ETF1: variants seen among roughly 807,000 people sequenced by gnomAD.
ETF1 encodes eukaryotic translation termination factor 1.
ETF1 carries 4 observed loss-of-function variants against 55.1 expected under a neutral mutation model. That is an observed-to-expected ratio of 0.07 (90% CI 0.04 to 0.17). ETF1 has a LOEUF of 0.17. ETF1 is among the 10% of genes least tolerant of loss of function. The pLI, the probability that ETF1 is intolerant of heterozygous loss-of-function variation, is 1.00. For missense variants in ETF1, 142 were observed against 523.6 expected, an observed-to-expected ratio of 0.27 and a Z score of 7.11; for synonymous variants, 157 against 182.3, an observed-to-expected ratio of 0.86 and a Z score of 1.12.
rs188898375 is a variant in ETF1, at chr5:138,507,252, G to C, written c.*1053C>G. 523 of 144,588 alleles carry C rather than the reference G, an allele frequency of 3.6e-3. 5 individuals are homozygous for C. Among genetic ancestry groups the C allele is most frequent in the Non-Finnish European group, 3.6e-3 (238 of 66,030 alleles). 9.0% of individuals were successfully genotyped at this position (144,588 alleles called of 1,614,324 possible). On this transcript the variant is annotated 3_prime_UTR_variant, in exon 11 of 11. Transcript: ENST00000360541. The stretch of plus-strand genomic sequence containing the variant: ...TGAAACAGATGCTCCAACCCCACCA[G>C]GAGGTCAGGAGTTTATAATTACATG...
Position 138,541,767 on chromosome 5 carries a change from G to T in ETF1, c.86+1066C>A, listed in dbSNP as rs868719362. ...ATAATGTTCCAAACACTTTTTTTTG[G>T]GGGGGGGGGCACTTCCTGTAAGTAA... On this transcript the variant is annotated intron_variant, in intron 2 of 10. Transcript: ENST00000360541. 1,274 of 262,910 alleles carry T rather than the reference G, an allele frequency of 4.8e-3. 78 individuals carry two copies. The South Asian group carries it at 0.051, about 11-fold the overall frequency. The allele number at this position is 262,910 out of a possible 1,614,324, so 16.3% of individuals were successfully genotyped here. A position where few individuals can be genotyped will look rare whatever the true frequency, so the allele number is the denominator to read the frequency against.
At position 138,508,296 on chromosome 5, in the gene ETF1, G is replaced by A; in HGVS notation, c.*9C>T. ...GTGAGGCACGTTTTGCCGGACCCAT[G>A]TCGACTACCTAGTAGTCATCAAGGT... On this transcript the variant is annotated 3_prime_UTR_variant, in exon 11 of 11. Transcript: ENST00000360541. 6.2e-7 allele frequency: 1 copy of A among 1,612,510 alleles called. No homozygotes were observed. Among genetic ancestry groups the A allele is most frequent in the Non-Finnish European group, 8.5e-7 (1 of 1,179,652 alleles).
intron 2 of ETF1, among the ~76,000 whole-genome samples, chr5:138,521,820 G>A (rs1335981435): frequency 6.6e-6 from 1 of 152,148 alleles, no homozygotes; most frequent in East Asian, 1.9e-4. Flanking sequence ...GTGAGCCACC[G>A]CGCCCAGCCT....
chr5:138,520,677 G>A (rs762308717), intron 2 of ETF1, among the ~76,000 whole-genome samples: 3 of 152,068 alleles, frequency 2.0e-5, no homozygotes, highest in Non-Finnish European at 2.9e-5. Flanking sequence ...AATCAGCTGG[G>A]TGTCACGTGA....
At chr5:138,532,874 A>G (rs1031693794) in intron 2 of ETF1, among the ~76,000 whole-genome samples, 3 of 152,064 alleles carry the variant, frequency 2.0e-5, no homozygotes, top group Non-Finnish European at 4.4e-5. Flanking sequence ...CTGATACTCA[A>G]CTTCTCTTTT....
intron 2 of ETF1, among the ~76,000 whole-genome samples, chr5:138,542,187 T>A (rs1289444487): frequency 6.6e-6 from 1 of 152,034 alleles, no homozygotes; most frequent in Non-Finnish European, 1.5e-5. Context: ...ACCCCTCACA[T>A]CGCGCGTACG....
chr5:138,532,052 A>G (rs1765723928), intron 2 of ETF1, among the ~76,000 whole-genome samples: 1 of 43,594 alleles, frequency 2.3e-5, no homozygotes. Flanking sequence ...CCTCAAAAAA[A>G]TAAAATAAAA....
intron 2 of ETF1, among the ~76,000 whole-genome samples, chr5:138,542,017 A>C (rs1766199416): frequency 6.6e-6 from 1 of 152,186 alleles, no homozygotes; most frequent in African/African-American, 2.4e-5. Flanking sequence ...TCACTCAACA[A>C]GCATCAAGCA....
At chr5:138,521,810 G>A (rs1349719624) in intron 2 of ETF1, among the ~76,000 whole-genome samples, 2 of 152,178 alleles carry the variant, frequency 1.3e-5, no homozygotes, top group South Asian at 2.1e-4. Flanking sequence ...GATTACAGGC[G>A]TGAGCCACCG....
At chr5:138,531,726 G>A (rs995571863) in intron 2 of ETF1, among the ~76,000 whole-genome samples, 3 of 152,094 alleles carry the variant, frequency 2.0e-5, no homozygotes, top group African/African-American at 7.2e-5. Flanking sequence ...GCTCCCATCT[G>A]TGCCTGCCTC....
rs898038988 is a variant in ETF1, at chr5:138,535,393, C to T, written c.86+7440G>A. On this transcript the variant is annotated intron_variant, in intron 2 of 10. Transcript: ENST00000360541. ...TTGCCCAGGCTGGAGTGCAGTGGCA[C>T]GATCTCGGCTCACTGCAACCTCCTT... 5.3e-5 allele frequency among the ~76,000 whole-genome samples: 8 copies of T among 149,564 alleles called. No homozygotes were observed. In the South Asian group the frequency reaches 8.9e-4, roughly 17 times the overall value.
intron 6 of ETF1, chr5:138,511,950 C>A (rs1373915362): frequency 2.1e-6 from 2 of 936,940 alleles, no homozygotes; most frequent in Non-Finnish European, 2.5e-6. Context: ...ATAATCCCAG[C>A]ACTTTGGGAA....
intron 3 of ETF1, among the ~76,000 whole-genome samples, chr5:138,518,490 G>T (rs1292957456): frequency 1.3e-5 from 2 of 152,110 alleles, no homozygotes; most frequent in African/African-American, 4.8e-5. Flanking sequence ...TGGGATTACA[G>T]GCATGAGCCA....
Position 138,511,403 on chromosome 5 carries a change from TACACACACACACACAC to T in ETF1, c.862+56_862+71del, listed in dbSNP as rs71574422. The stretch of plus-strand genomic sequence containing the variant: ...AATCACGTACATACACACACACACA[TACACACACACACACAC>T]ACACACACACACACGAAAACATTTC... On this transcript the variant is annotated intron_variant, in intron 7 of 10. Transcript: ENST00000360541. 40 of 968,156 alleles carry T rather than the reference TACACACACACACACAC, an allele frequency of 4.1e-5. 1 individual carries two copies. In the Admixed American group the frequency reaches 5.1e-4, roughly 12 times the overall value. The allele number at this position is 968,156 out of a possible 1,614,324, so 60.0% of individuals were successfully genotyped here. A position where few individuals can be genotyped will look rare whatever the true frequency, so the allele number is the denominator to read the frequency against.
intron 2 of ETF1, among the ~76,000 whole-genome samples, chr5:138,535,935 A>G (rs1765911302): frequency 6.8e-6 from 1 of 147,926 alleles, no homozygotes; most frequent in Admixed American, 6.9e-5. Context: ...AATCCCCTTC[A>G]ACATGTACTG....
intron 2 of ETF1, among the ~76,000 whole-genome samples, chr5:138,522,490 T>TAC (rs1317371974): frequency 2.0e-5 from 3 of 151,984 alleles, no homozygotes; most frequent in African/African-American, 7.3e-5. Context: ...CCAACCACTC[T>TAC]ACTCTTAGTT....
At chr5:138,542,749 C>G in intron 2 of ETF1, 84 bp downstream of exon 2, 7 of 1,565,854 alleles carry the variant, frequency 4.5e-6, no homozygotes, top group Non-Finnish European at 6.1e-6. Context: ...TGGTTCTCCT[C>G]ATCCGGCCAT....
chr5:138,541,659 T>A, intron 2 of ETF1: 4 of 1,504,420 alleles, frequency 2.7e-6, no homozygotes, highest in Non-Finnish European at 3.5e-6. Context: ...GAATGTCAAA[T>A]TCTTGTGCTG....
At chr5:138,515,444 AG>A (rs1764979380) in intron 4 of ETF1, among the ~76,000 whole-genome samples, 1 of 152,190 alleles carries the variant, frequency 6.6e-6, no homozygotes, top group African/African-American at 2.4e-5. Flanking sequence ...AAAAAGAAAA[AG>A]AAAAAAGACA....
Sources: gnomAD v4.1 joint callset for allele counts (sites outside exome capture counted in the v4.1 genomes callset) on GRCh38, gnomAD v4.1.1 for gene constraint, MANE v1.5 for transcripts, NCBI Gene and HGNC (gene_info 2026-07-23, HGNC 2026-07-21) for gene names.